ADGRB1: variants seen among roughly 807,000 people sequenced by gnomAD.
ADGRB1 encodes adhesion G protein-coupled receptor B1.
In ADGRB1, 36 loss-of-function variants were observed where a neutral mutation model predicts 175.7. The ratio of observed to expected loss-of-function variants is 0.20; its 90% CI spans 0.16 to 0.27. ADGRB1 has a LOEUF of 0.27. ADGRB1 is among the 10% of genes least tolerant of loss of function. The pLI is 1.00. For missense variants in ADGRB1, 1,731 were observed against 2,255.3 expected, an observed-to-expected ratio of 0.77 and a Z score of 4.71; for synonymous variants, 1,054 against 979.4, an observed-to-expected ratio of 1.08 and a Z score of -1.42.
intron 17 of ADGRB1, among the ~76,000 whole-genome samples, chr8:142,501,415 G>A (rs1842526196): frequency 6.8e-6 from 1 of 146,776 alleles, no homozygotes; most frequent in Non-Finnish European, 1.5e-5. Context: ...TGGTGGTGGT[G>A]ATGATGGGGT....
chr8:142,525,642 G>A (rs80044395), intron 23 of ADGRB1, among the ~76,000 whole-genome samples: 2,821 of 152,292 alleles, frequency 0.019, 87 homozygotes, highest in African/African-American at 0.065. Context: ...AAAGCAGGCC[G>A]GCTGTGTGGT....
rs550474402 is a variant in ADGRB1 at position 142,469,367 on chromosome 8, ATGTG to A, written c.784+4390_784+4393del. On this transcript the variant is annotated intron_variant, in intron 2 of 30. Transcript: ENST00000517894. ...TGTGGGAGTGTCTATGTGCACGTGC[ATGTG>A]TGTGAATGTGGGAGTGTGTATGTGC... Among the ~76,000 whole-genome samples, 8 of 146,706 alleles carry A rather than the reference ATGTG, an allele frequency of 5.5e-5. No individual in the cohort carries two copies. The South Asian group carries it at 1.8e-3, about 33-fold the overall frequency.
chr8:142,479,260 A>G, intron 7 of ADGRB1, 63 bp from the exon 8 acceptor site: 1 of 1,408,856 alleles, frequency 7.1e-7, no homozygotes, highest in Non-Finnish European at 9.2e-7. Context: ...TCCTCCTGTC[A>G]CTGTGGCTCC....
At chr8:142,450,736 C>T (rs1430809645) in intron 1 of ADGRB1, among the ~76,000 whole-genome samples, 2 of 152,182 alleles carry the variant, frequency 1.3e-5, no homozygotes, top group African/African-American at 4.8e-5. Context: ...GTAGACCTGG[C>T]ATTGGCAGTG....
In ADGRB1 at chr8:142,537,930, G is replaced by T. The variant is rs1023948651; in HGVS notation, c.3666+848G>T. On this transcript the variant is annotated intron_variant, in intron 26 of 30. Transcript: ENST00000517894. This position sits in a 1 kb window ranked among gnomAD's most constrained non-coding sequence, Gnocchi z 4.6. Reference sequence around the variant, plus strand: ...ACCAAGTCTGCTCCCACCCACACCCGTCACTAGACCTCCTGCTTCTGCACC... The same window carrying T: ...ACCAAGTCTGCTCCCACCCACACCCTTCACTAGACCTCCTGCTTCTGCACC... 1.3e-5 allele frequency among the ~76,000 whole-genome samples: 2 copies of T among 152,088 alleles called. No individual in the cohort carries two copies. The highest frequency in any genetic ancestry group is 2.4e-5 in the African/African-American group (1 of 41,406).
chr8:142,542,551 G>T lies in ADGRB1; in HGVS notation c.4317G>T (p.Leu1439=), dbSNP rs2132291722. The change falls in exon 28 of 31, where the codon CTG becomes CTT. Residue 1439 remains leucine, a synonymous_variant. Coordinates refer to ENST00000517894, the MANE Select transcript of ADGRB1 (RefSeq NM_001702.3). The surrounding 1 kb of genome is among the most constrained non-coding windows in gnomAD (Gnocchi z 6.3). ...ATCTGGAGCCGGCACCCCCCAGCCT[G>T]GGGGATCCCGGGGAGCCTGCCGCCC... ...PPNLEPAPPS[L]GDPGEPAAHP... is the part of the protein sequence containing the mutation. The T allele has an allele frequency of 6.6e-7, 1 of 1,516,280 alleles. No homozygotes were observed. Among genetic ancestry groups the T allele is most frequent in the South Asian group, 1.2e-5 (1 of 81,966 alleles). The allele number at this position is 1,516,280 out of a possible 1,614,324, so 93.9% of individuals were successfully genotyped here. A position where few individuals can be genotyped will look rare whatever the true frequency, so the allele number is the denominator to read the frequency against.
At chr8:142,530,754 G>A (rs1844574678) in intron 24 of ADGRB1, among the ~76,000 whole-genome samples, 1 of 152,156 alleles carries the variant, frequency 6.6e-6, no homozygotes, top group Non-Finnish European at 1.5e-5. Flanking sequence ...CATTCCATCA[G>A]AGAGAAGTGG....
rs535906704 is a variant in ADGRB1, at chr8:142,499,340, G to T, written c.2675+8525G>T. 5.9e-5 allele frequency among the ~76,000 whole-genome samples: 9 copies of T among 152,344 alleles called. No individual in the cohort carries two copies. In the East Asian group the frequency reaches 1.7e-3, roughly 29 times the overall value. On this transcript the variant is annotated intron_variant, in intron 17 of 30. Transcript: ENST00000517894. ...GTGAGTATTACGGAACGAGAGTTGG[G>T]CTGCTCAGCAGGTGGGCACCGTCCT...
Position 142,489,553 on chromosome 8 carries a change from G to C in ADGRB1, c.2631+115G>C, listed in dbSNP as rs1170996751. ...CCTCCTCACAACAGCTTTAACCTTC[G>C]AGAGCTACTTTTATCCCTGGATTAC... On this transcript the variant is annotated intron_variant, in intron 16 of 30. Transcript: ENST00000517894. 3.3e-5 allele frequency: 38 copies of C among 1,167,546 alleles called. 1 individual carries two copies. In the South Asian group the frequency reaches 4.7e-4, roughly 14 times the overall value. The allele number at this position is 1,167,546 out of a possible 1,614,324, so 72.3% of individuals were successfully genotyped here.
chr8:142,536,354 CTT>C (rs1844923127), intron 25 of ADGRB1, among the ~76,000 whole-genome samples: 1 of 152,152 alleles, frequency 6.6e-6, no homozygotes, highest in African/African-American at 2.4e-5. Flanking sequence ...GATATCCAGT[CTT>C]TACCTCCTTG....
Position 142,510,510 on chromosome 8 carries a change from C to T in ADGRB1, c.2676-422C>T, listed in dbSNP as rs1472285692. ...AGGCCACACCCGGCTCGCACCCTCC[C>T]CGCTCCACGTGCGCCCACGCGCCCC... On this transcript the variant is annotated intron_variant, in intron 17 of 30. Coordinates refer to ENST00000517894, the MANE Select transcript of ADGRB1 (RefSeq NM_001702.3). The surrounding 1 kb of genome is among the most constrained non-coding windows in gnomAD (Gnocchi z 6.3). Among the ~76,000 whole-genome samples, 3 of 150,892 alleles carry T rather than the reference C, an allele frequency of 2.0e-5. No individual in the cohort carries two copies. The highest frequency in any genetic ancestry group is 4.4e-5 in the Non-Finnish European group (3 of 67,642).
At chr8:142,530,051 C>T (rs1275702368) in intron 24 of ADGRB1, among the ~76,000 whole-genome samples, 1 of 151,472 alleles carries the variant, frequency 6.6e-6, no homozygotes, top group Non-Finnish European at 1.5e-5. Context: ...TGAGTGCAAC[C>T]TGGTGTATAT....
In ADGRB1 at chr8:142,474,283, C is replaced by A. The variant is rs80237638; in HGVS notation, c.785-1191C>A. 1.3e-5 allele frequency among the ~76,000 whole-genome samples: 2 copies of A among 152,222 alleles called. No individual in the cohort carries two copies. Among genetic ancestry groups the A allele is most frequent in the African/African-American group, 4.8e-5 (2 of 41,524 alleles). On this transcript the variant is annotated intron_variant, in intron 2 of 30. Coordinates refer to ENST00000517894, the MANE Select transcript of ADGRB1 (RefSeq NM_001702.3). The surrounding 1 kb of genome is among the most constrained non-coding windows in gnomAD (Gnocchi z 5.8). ...GGGCCTCCCCTGCTGTACCTGGGAT[C>A]GAGCTGCCGGATCCCCAGTGTTCCC...
chr8:142,471,776 G>A (rs1418540002), intron 2 of ADGRB1, among the ~76,000 whole-genome samples: 6 of 152,234 alleles, frequency 3.9e-5, no homozygotes, highest in African/African-American at 1.4e-4. Flanking sequence ...GCGGGAGGAA[G>A]GGGGACCAGC....
Position 142,484,650 on chromosome 8 carries a change from C to A in ADGRB1, c.2200-6C>A. ...TCCCTCGGCTGCTCACCCCCCTGCC[C>A]TCCAGGCGGGCCCCAACGCCAAGGA... On this transcript the variant is annotated splice_polypyrimidine_tract_variant and splice_region_variant and intron_variant, in intron 12 of 30. Coordinates refer to ENST00000517894, the MANE Select transcript of ADGRB1 (RefSeq NM_001702.3). The A allele has an allele frequency of 6.2e-7, 1 of 1,606,458 alleles. No homozygotes were observed. Among genetic ancestry groups the A allele is most frequent in the Non-Finnish European group, 8.5e-7 (1 of 1,177,272 alleles).
At chr8:142,454,146 T>A (rs559606445) in intron 1 of ADGRB1, among the ~76,000 whole-genome samples, 1 of 152,086 alleles carries the variant, frequency 6.6e-6, no homozygotes, top group Non-Finnish European at 1.5e-5. Context: ...CGCCAGGTCA[T>A]AGGGCGCGTC....
At chr8:142,512,017 C>T (rs535144207) in intron 18 of ADGRB1, among the ~76,000 whole-genome samples, 2 of 152,350 alleles carry the variant, frequency 1.3e-5, no homozygotes, top group South Asian at 2.1e-4. Context: ...CCTAGCCTCT[C>T]GGACACTCCA....
intron 13 of ADGRB1, among the ~76,000 whole-genome samples, chr8:142,485,885 T>C (rs1841643118): frequency 6.6e-6 from 1 of 152,198 alleles, no homozygotes; most frequent in Non-Finnish European, 1.5e-5. Context: ...GCTCCAGCTC[T>C]GAGTGAGCAC....
intron 19 of ADGRB1, 150 bp from the exon 20 acceptor site, chr8:142,520,673 G>C (rs552947022): frequency 3.2e-6 from 2 of 627,666 alleles, no homozygotes; most frequent in East Asian, 6.0e-5. Context: ...TGGTGATGGT[G>C]GCGGTGATGA....
Sources: gnomAD v4.1 joint callset for allele counts (sites outside exome capture counted in the v4.1 genomes callset) on GRCh38, gnomAD v4.1.1 for gene constraint, Gnocchi (gnomAD v3.1) non-coding constraint, MANE v1.5 for transcripts, NCBI Gene and HGNC (gene_info 2026-07-23, HGNC 2026-07-21) for gene names.